FGF14: variants seen among roughly 807,000 people sequenced by gnomAD.
FGF14 encodes the protein fibroblast growth factor homologous factor 4.
FGF14 carries 5 observed loss-of-function variants against 25.5 expected under a neutral mutation model. The ratio of observed to expected loss-of-function variants is 0.20; its 90% CI spans 0.10 to 0.41. FGF14 has a LOEUF of 0.41. Among genes scored for constraint, FGF14 ranks in the 10% least tolerant of loss-of-function variants. The pLI is 1.00. For synonymous variants in FGF14, 138 were observed against 118.3 expected (o/e 1.17, Z -1.08); for missense variants, 222 against 320.1 (o/e 0.69, Z 2.34).
intron 1 of FGF14, among the ~76,000 whole-genome samples, chr13:102,127,170 T>C (rs747253504): frequency 6.6e-5 from 10 of 152,082 alleles, no homozygotes; most frequent in Non-Finnish European, 1.3e-4. Context: ...TCATATTTAC[T>C]CTTAAACTGA....
chr13:101,756,287 A>G (rs2037643626), intron 3 of FGF14, among the ~76,000 whole-genome samples: 1 of 152,230 alleles, frequency 6.6e-6, no homozygotes, highest in African/African-American at 2.4e-5. Context: ...GCATTTTTAT[A>G]ATATGCTATT....
chr13:102,152,602 A>AG (rs1188766631), intron 1 of FGF14, among the ~76,000 whole-genome samples: 1 of 152,164 alleles, frequency 6.6e-6, no homozygotes, highest in African/African-American at 2.4e-5. Flanking sequence ...TATGAATTTT[A>AG]GGGGGACGCA....
intron 1 of FGF14, among the ~76,000 whole-genome samples, chr13:102,280,828 C>T (rs532570887): frequency 1.3e-5 from 2 of 152,252 alleles, no homozygotes; most frequent in South Asian, 4.2e-4. Flanking sequence ...AGAACAGGTG[C>T]CCCTGGGAAA....
intron 1 of FGF14, among the ~76,000 whole-genome samples, chr13:102,038,874 GA>G (rs1016995365): frequency 7.9e-5 from 12 of 151,846 alleles, no homozygotes; most frequent in Non-Finnish European, 1.8e-4. Context: ...TAGCTTCTAG[GA>G]AAAACTTTCC....
At chr13:101,869,491 C>T (rs988971994) in intron 2 of FGF14, among the ~76,000 whole-genome samples, 4 of 152,088 alleles carry the variant, frequency 2.6e-5, no homozygotes, top group Admixed American at 6.6e-5. Context: ...CAGATAGCAA[C>T]GTTATAACAT....
intron 3 of FGF14, among the ~76,000 whole-genome samples, chr13:101,803,601 GAAGTT>G (rs2041026673): frequency 1.3e-5 from 2 of 151,412 alleles, no homozygotes; most frequent in Non-Finnish European, 2.9e-5. Flanking sequence ...TTAGAATGCT[GAAGTT>G]AATAAACAGT....
At chr13:102,307,443 T>C (rs1012658255) in intron 1 of FGF14, among the ~76,000 whole-genome samples, 1 of 152,168 alleles carries the variant, frequency 6.6e-6, no homozygotes, top group African/African-American at 2.4e-5. Flanking sequence ...AAATTCTGTT[T>C]GTCACTTAAA....
At chr13:102,309,527 G>T (rs1272573095) in intron 1 of FGF14, among the ~76,000 whole-genome samples, 4 of 152,286 alleles carry the variant, frequency 2.6e-5, no homozygotes, top group Admixed American at 2.0e-4. Context: ...AGATGAGAAA[G>T]TTGCATTTTA....
At chr13:102,161,706 G>A (rs2047773317) in intron 1 of FGF14, among the ~76,000 whole-genome samples, 1 of 148,712 alleles carries the variant, frequency 6.7e-6, no homozygotes, top group African/African-American at 2.5e-5. Flanking sequence ...AGAAGAAGAA[G>A]AAGAAGAAGA....
At chr13:102,054,547 G>A (rs772101078) in intron 1 of FGF14, among the ~76,000 whole-genome samples, 1 of 152,150 alleles carries the variant, frequency 6.6e-6, no homozygotes, top group Non-Finnish European at 1.5e-5. Context: ...ATTGGTTAGT[G>A]TTAATGTCAA....
chr13:101,719,255 C>CAACT lies in FGF14; in HGVS notation c.*3572_*3575dup, dbSNP rs1277345616. On this transcript the variant is annotated 3_prime_UTR_variant, in exon 5 of 5. Transcript: ENST00000376143. The stretch of plus-strand genomic sequence containing the variant: ...ATATTGTTCATCCTGATAAAAATAA[C>CAACT]AACTTTTAGTGCTTAAAGCATTAAT... 6.6e-6 allele frequency: 1 copy of CAACT among 151,958 alleles called. No homozygotes were observed. The highest frequency in any genetic ancestry group is 1.9e-4 in the East Asian group (1 of 5,166). 9.4% of individuals were successfully genotyped at this position (151,958 alleles called of 1,614,324 possible).
intron 1 of FGF14, among the ~76,000 whole-genome samples, chr13:102,015,972 G>T (rs2040319413): frequency 6.6e-6 from 1 of 152,090 alleles, no homozygotes; most frequent in African/African-American, 2.4e-5. Flanking sequence ...TCAAAACTAG[G>T]CTGAGAGATT....
chr13:101,974,862 G>T (rs2037827867), intron 1 of FGF14, among the ~76,000 whole-genome samples: 1 of 152,142 alleles, frequency 6.6e-6, no homozygotes, highest in South Asian at 2.1e-4. Context: ...TGTGTGTCCA[G>T]GCCCAGATCA....
At chr13:102,369,397 G>A (rs2057810420) in intron 1 of FGF14, among the ~76,000 whole-genome samples, 1 of 152,210 alleles carries the variant, frequency 6.6e-6, no homozygotes, top group Non-Finnish European at 1.5e-5. Flanking sequence ...AATGAGATGT[G>A]CTGTGGGAAT....
At chr13:102,068,081 G>A (rs2042978926) in intron 1 of FGF14, among the ~76,000 whole-genome samples, 1 of 152,066 alleles carries the variant, frequency 6.6e-6, no homozygotes, top group African/African-American at 2.4e-5. Context: ...GAACATGAAG[G>A]AAAAATAAAG....
At chr13:101,736,030 G>A (rs976307696) in intron 3 of FGF14, among the ~76,000 whole-genome samples, 2 of 152,092 alleles carry the variant, frequency 1.3e-5, no homozygotes, top group African/African-American at 2.4e-5. Flanking sequence ...TATGCAAAAC[G>A]TTTCTTTGTT....
chr13:102,158,279 A>G (rs1054464333), intron 1 of FGF14, among the ~76,000 whole-genome samples: 2 of 152,234 alleles, frequency 1.3e-5, no homozygotes, highest in Non-Finnish European at 2.9e-5. Flanking sequence ...CCAAATGTCC[A>G]ACAATCATAG....
intron 3 of FGF14, among the ~76,000 whole-genome samples, chr13:101,757,462 T>A (rs1004638178): frequency 6.6e-6 from 1 of 152,198 alleles, no homozygotes; most frequent in African/African-American, 2.4e-5. Context: ...TAGCTTGGTT[T>A]TAAATATTCC....
intron 1 of FGF14, among the ~76,000 whole-genome samples, chr13:101,893,367 T>C (rs988493916): frequency 6.6e-6 from 1 of 152,156 alleles, no homozygotes; most frequent in African/African-American, 2.4e-5. Context: ...TTAACCATGA[T>C]GTATTGTGAT....
Sources: allele counts gnomAD v4.1 joint callset (sites outside exome capture counted in the v4.1 genomes callset), GRCh38; gene constraint gnomAD v4.1.1; transcripts MANE v1.5; gene names NCBI Gene and HGNC (gene_info 2026-07-23, HGNC 2026-07-21).